The following TTC28 variants were observed in gnomAD, a reference collection of about 807,000 sequenced individuals.
The protein encoded by TTC28 is tetratricopeptide repeat protein 28.
Under a neutral mutation model 198.0 loss-of-function variants are expected in TTC28, and 61 were observed. The observed-to-expected ratio is 0.31, with a 90% CI of 0.25 to 0.38. The LOEUF (loss-of-function observed/expected upper bound fraction) is 0.38, where lower values mean the gene tolerates loss of function less well. TTC28 is among the 10% of genes least tolerant of loss of function. The probability of loss-of-function intolerance (pLI) is 1.00; values close to 1 mark genes in which losing one functional copy is unlikely to be tolerated. For missense variants in TTC28, 2,678 were observed against 3,164.0 expected, an observed-to-expected ratio of 0.85 and a Z score of 3.69; for synonymous variants, 1,171 against 1,297.8, an observed-to-expected ratio of 0.90 and a Z score of 2.10.
intron 18 of TTC28, 23 bp downstream of exon 18, chr22:27,993,264 C>A (rs1569071984): frequency 6.7e-7 from 1 of 1,488,190 alleles, no homozygotes; most frequent in East Asian, 2.5e-5. Context: ...GCCTGTTGCC[C>A]CAGCCCTACA....
intron 12 of TTC28, among the ~76,000 whole-genome samples, chr22:28,072,075 C>T (rs1941005045): frequency 6.6e-6 from 1 of 152,090 alleles, no homozygotes; most frequent in Admixed American, 6.5e-5. Flanking sequence ...TTTGATCGTC[C>T]CAGATGATAC....
Position 28,041,092 on chromosome 22 carries a change from C to T in TTC28, c.3933-10726G>A, listed in dbSNP as rs139040772. Among the ~76,000 whole-genome samples, 1,073 of 152,246 alleles carry T rather than the reference C, an allele frequency of 7.0e-3. 13 individuals are homozygous for T. The highest frequency in any genetic ancestry group is 0.025 in the African/African-American group (1,034 of 41,538). ...TCAACAAAATAAAAGAGGGCACAAA[C>T]AAATGGAAGAACATTCCATGCTCAT... On this transcript the variant is annotated intron_variant, in intron 12 of 22. Coordinates refer to ENST00000397906, the MANE Select transcript of TTC28 (RefSeq NM_001145418.2).
At chr22:28,648,547 G>A (rs1249466379) in intron 1 of TTC28, among the ~76,000 whole-genome samples, 2 of 152,238 alleles carry the variant, frequency 1.3e-5, no homozygotes, top group Non-Finnish European at 2.9e-5. Context: ...GCATGCATAT[G>A]TTTATTGCCC....
intron 6 of TTC28, among the ~76,000 whole-genome samples, chr22:28,130,839 C>T (rs1408365624): frequency 6.6e-6 from 1 of 152,144 alleles, no homozygotes; most frequent in Non-Finnish European, 1.5e-5. Flanking sequence ...CTGGTGACAA[C>T]TTTATCTGTC....
At chr22:28,529,579 T>C (rs1419631740) in intron 2 of TTC28, among the ~76,000 whole-genome samples, 2 of 152,214 alleles carry the variant, frequency 1.3e-5, no homozygotes, top group East Asian at 3.8e-4. Context: ...AGCATGGAGT[T>C]TGAGATCTGA....
intron 2 of TTC28, among the ~76,000 whole-genome samples, chr22:28,564,884 T>C (rs921721052): frequency 6.8e-6 from 1 of 147,692 alleles, no homozygotes; most frequent in Non-Finnish European, 1.5e-5. Flanking sequence ...TATAATTTAT[T>C]ATATAAATAA....
At chr22:28,243,213 A>AAAAAAAAAAAAAAAAAC in intron 5 of TTC28, among the ~76,000 whole-genome samples, 1 of 130,832 alleles carries the variant, frequency 7.6e-6, no homozygotes, top group East Asian at 2.4e-4. Context: ...AAAAAAAAAA[A>AAAAAAAAAAAAAAAAAC]CTAGCCAGCC....
intron 2 of TTC28, among the ~76,000 whole-genome samples, chr22:28,316,578 C>T (rs1016667464): frequency 2.6e-5 from 4 of 152,098 alleles, no homozygotes; most frequent in African/African-American, 9.7e-5. Context: ...AGTTCATAAA[C>T]AGGCTATGTT....
intron 5 of TTC28, among the ~76,000 whole-genome samples, chr22:28,199,536 T>TATATAC (rs1490928464): frequency 6.8e-6 from 1 of 147,440 alleles, no homozygotes; most frequent in Non-Finnish European, 1.5e-5. Flanking sequence ...TATACATATA[T>TATATAC]ATATATATAT....
At chr22:28,636,378 C>T (rs2051272636) in intron 1 of TTC28, among the ~76,000 whole-genome samples, 2 of 152,018 alleles carry the variant, frequency 1.3e-5, no homozygotes, top group African/African-American at 4.8e-5. Context: ...CCGCCTGACT[C>T]GGCCTCCCAA....
intron 2 of TTC28, among the ~76,000 whole-genome samples, chr22:28,585,353 A>T (rs940944062): frequency 2.0e-5 from 3 of 152,190 alleles, no homozygotes; most frequent in African/African-American, 7.2e-5. Context: ...GGAGACAGTG[A>T]CAGATCATCA....
At chr22:28,560,112 G>A (rs904366007) in intron 2 of TTC28, among the ~76,000 whole-genome samples, 8 of 152,172 alleles carry the variant, frequency 5.3e-5, no homozygotes, top group African/African-American at 9.7e-5. Flanking sequence ...AGCAGCACAG[G>A]TTAAGGACCT....
At chr22:28,572,310 G>A (rs796666803) in intron 2 of TTC28, among the ~76,000 whole-genome samples, 10 of 152,140 alleles carry the variant, frequency 6.6e-5, no homozygotes, top group African/African-American at 1.9e-4. Context: ...CCAACAGAGC[G>A]ACACTGTCTA....
At position 28,553,849 on chromosome 22, in the gene TTC28, G is replaced by A. The variant is rs969097296; in HGVS notation, c.381+75703C>T. On this transcript the variant is annotated intron_variant, in intron 2 of 22. Coordinates refer to ENST00000397906, the MANE Select transcript of TTC28 (RefSeq NM_001145418.2). ...TGGGAAGTGAGGAGCCCCTCTGCCT[G>A]GCCACCACCCCGTCTGGGAGGTGTG... 2.8e-4 allele frequency among the ~76,000 whole-genome samples: 43 copies of A among 152,364 alleles called. 2 individuals are homozygous for A. Among genetic ancestry groups the A allele is most frequent in the African/African-American group, 9.9e-4 (41 of 41,586 alleles).
chr22:28,097,911 TA>T (rs1942023605), intron 10 of TTC28, among the ~76,000 whole-genome samples: 1 of 152,196 alleles, frequency 6.6e-6, no homozygotes, highest in Non-Finnish European at 1.5e-5. Context: ...TAATAGATAA[TA>T]AACTGTAATC....
intron 12 of TTC28, among the ~76,000 whole-genome samples, chr22:28,038,632 C>T (rs1026834533): frequency 2.0e-5 from 3 of 152,148 alleles, no homozygotes; most frequent in African/African-American, 7.2e-5. Flanking sequence ...GTCTAAAACA[C>T]CAAAAGCAAT....
At chr22:28,058,088 G>C (rs184044992) in intron 12 of TTC28, among the ~76,000 whole-genome samples, 27 of 151,890 alleles carry the variant, frequency 1.8e-4, no homozygotes, top group African/African-American at 5.1e-4. Context: ...TATCAGAAAT[G>C]CTTCTTTTTT....
At chr22:28,336,447 A>C (rs980769779) in intron 2 of TTC28, among the ~76,000 whole-genome samples, 1 of 152,172 alleles carries the variant, frequency 6.6e-6, no homozygotes, top group Non-Finnish European at 1.5e-5. Flanking sequence ...GGTAGAATTC[A>C]GCAGTGAATC....
At position 28,226,708 on chromosome 22, in the gene TTC28, G is replaced by A. The variant is rs550100680; in HGVS notation, c.934-63109C>T. 3.9e-5 allele frequency among the ~76,000 whole-genome samples: 6 copies of A among 152,208 alleles called. No individual in the cohort carries two copies. In the East Asian group the frequency reaches 5.8e-4, roughly 15 times the overall value. On this transcript the variant is annotated intron_variant, in intron 5 of 22. Transcript: ENST00000397906. ...CTCCCAAAGTGTTGGGATTAGAGAC[G>A]TGACCACTGCACCCGGCTGATGTTG...
Sources: gnomAD v4.1 joint callset for allele counts (sites outside exome capture counted in the v4.1 genomes callset) on GRCh38, gnomAD v4.1.1 for gene constraint, MANE v1.5 for transcripts, NCBI Gene and HGNC (gene_info 2026-07-23, HGNC 2026-07-21) for gene names.